ANK3: variants seen among roughly 807,000 people sequenced by gnomAD.
ANK3 encodes ankyrin 3, also known as ankyrin-3.
Under a neutral mutation model 370.9 loss-of-function variants are expected in ANK3, and 57 were observed. The ratio of observed to expected loss-of-function variants is 0.15; its 90% CI spans 0.12 to 0.19. The LOEUF is 0.19. ANK3 is among the 10% of genes least tolerant of loss of function. The probability of loss-of-function intolerance (pLI) is 1.00; values close to 1 mark genes in which losing one functional copy is unlikely to be tolerated. For synonymous variants in ANK3, 1,929 were observed against 1,946.3 expected (o/e 0.99, Z 0.23); for missense variants, 4,439 against 5,302.1 (o/e 0.84, Z 5.06).
chr10:60,239,387 G>A (rs1223946216), intron 7 of ANK3, among the ~76,000 whole-genome samples: 51 of 152,032 alleles, frequency 3.4e-4, no homozygotes, highest in Admixed American at 3.3e-3. Flanking sequence ...CTCGATGGTA[G>A]CCCAAGGAAA....
intron 1 of ANK3, among the ~76,000 whole-genome samples, chr10:60,381,725 A>G (rs1170245598): frequency 3.9e-5 from 6 of 152,198 alleles, no homozygotes. Context: ...GGAACCTGGC[A>G]AATGCATTTA....
intron 17 of ANK3, among the ~76,000 whole-genome samples, chr10:60,182,442 T>TA (rs1311412346): frequency 3.3e-5 from 5 of 152,236 alleles, no homozygotes; most frequent in Admixed American, 3.3e-4. Flanking sequence ...ACTCCGGTTT[T>TA]AAAAAACCTC....
chr10:60,098,805 G>A (rs1405204608), intron 28 of ANK3, among the ~76,000 whole-genome samples: 1 of 152,044 alleles, frequency 6.6e-6, no homozygotes, highest in Non-Finnish European at 1.5e-5. Context: ...ATATATTTGG[G>A]TCAGCATTAT....
intron 1 of ANK3, among the ~76,000 whole-genome samples, chr10:60,703,228 G>T (rs1394395721): frequency 1.3e-5 from 2 of 152,166 alleles, no homozygotes; most frequent in Admixed American, 1.3e-4. Flanking sequence ...AAATATTGAA[G>T]AAATTATTAT....
chr10:60,424,344 A>G (rs1277031029), intron 2 of ANK3, among the ~76,000 whole-genome samples: 2 of 152,080 alleles, frequency 1.3e-5, no homozygotes, highest in African/African-American at 4.8e-5. Flanking sequence ...TAGAAAACTA[A>G]TTTTAGGGAA....
chr10:60,184,022 G>A (rs1014061653), intron 17 of ANK3, among the ~76,000 whole-genome samples: 4 of 151,998 alleles, frequency 2.6e-5, no homozygotes, highest in African/African-American at 7.3e-5. Flanking sequence ...GAATCAAATC[G>A]AACACTAGCA....
chr10:60,539,891 G>C (rs2076808440), intron 2 of ANK3, among the ~76,000 whole-genome samples: 1 of 151,880 alleles, frequency 6.6e-6, no homozygotes, highest in Non-Finnish European at 1.5e-5. Context: ...ATACCACGAA[G>C]CTAATATTCT....
At chr10:60,433,842 T>C (rs2064092888) in intron 2 of ANK3, among the ~76,000 whole-genome samples, 1 of 152,330 alleles carries the variant, frequency 6.6e-6, no homozygotes, top group African/African-American at 2.4e-5. Flanking sequence ...CAAATGCAGC[T>C]CGAATGAGTA....
At chr10:60,241,707 C>T (rs1483840566) in intron 7 of ANK3, among the ~76,000 whole-genome samples, 1 of 152,146 alleles carries the variant, frequency 6.6e-6, no homozygotes, top group East Asian at 1.9e-4. Flanking sequence ...TATTTATTCA[C>T]TCTAAAAAAC....
At position 60,380,321 on chromosome 10, in the gene ANK3, C is replaced by T. The variant is rs142220744; in HGVS notation, c.114+9104G>A. On this transcript the variant is annotated intron_variant, in intron 1 of 43. Transcript: ENST00000280772. ...AACCCTTGCATGGCATTTCATGGTC[C>T]AGGAAAGACTCATCTCGTGGAGCTC... is the stretch of plus-strand genomic sequence containing the variant. Among the ~76,000 whole-genome samples, 27 of 152,142 alleles carry T rather than the reference C, an allele frequency of 1.8e-4. No homozygotes were observed. The South Asian group carries it at 3.5e-3, about 20-fold the overall frequency.
At chr10:60,617,577 G>A (rs908778688) in intron 1 of ANK3, among the ~76,000 whole-genome samples, 1 of 152,116 alleles carries the variant, frequency 6.6e-6, no homozygotes, top group African/African-American at 2.4e-5. Context: ...AATCCCTTCA[G>A]TGCCTAGCAC....
chr10:60,198,658 C>A, intron 13 of ANK3, 121 bp from the exon 14 acceptor site: 1 of 812,700 alleles, frequency 1.2e-6, no homozygotes, highest in South Asian at 1.6e-5. Context: ...TGAGTCAATG[C>A]TAAAAAAACT....
At chr10:60,185,298 G>T (rs1277576256) in intron 17 of ANK3, among the ~76,000 whole-genome samples, 1 of 152,068 alleles carries the variant, frequency 6.6e-6, no homozygotes, top group Admixed American at 6.5e-5. Context: ...GATTGTTATG[G>T]AGTAACCTTT....
intron 2 of ANK3, among the ~76,000 whole-genome samples, chr10:60,556,662 TATGTA>T (rs1227485641): frequency 6.6e-6 from 1 of 152,168 alleles, no homozygotes; most frequent in Non-Finnish European, 1.5e-5. Context: ...AAAAGAGTAA[TATGTA>T]ATGTGACTAG....
At chr10:60,287,948 T>C (rs1424645607) in intron 1 of ANK3, among the ~76,000 whole-genome samples, 1 of 152,192 alleles carries the variant, frequency 6.6e-6, no homozygotes, top group African/African-American at 2.4e-5. Flanking sequence ...CGTTGTTGCT[T>C]TTAAACCATA....
At chr10:60,531,780 A>G (rs1429675629) in intron 2 of ANK3, among the ~76,000 whole-genome samples, 2 of 152,136 alleles carry the variant, frequency 1.3e-5, no homozygotes, top group African/African-American at 4.8e-5. Flanking sequence ...TTTCTGTGTC[A>G]GAGTGCTGAG....
intron 2 of ANK3, among the ~76,000 whole-genome samples, chr10:60,457,968 G>A (rs777546187): frequency 6.6e-6 from 1 of 152,066 alleles, no homozygotes; most frequent in Admixed American, 6.6e-5. Context: ...TCTTGGGTTA[G>A]TTAACCTGTC....
At chr10:60,644,844 A>AAAAAAAAAG (rs1362483678) in intron 1 of ANK3, among the ~76,000 whole-genome samples, 1 of 148,956 alleles carries the variant, frequency 6.7e-6, no homozygotes, top group East Asian at 2.0e-4. Context: ...TAGTTAAAAG[A>AAAAAAAAAG]AAAAAAAAGC....
chr10:60,114,601 C>T (rs1409528124), intron 25 of ANK3, among the ~76,000 whole-genome samples: 4 of 152,190 alleles, frequency 2.6e-5, no homozygotes, highest in Non-Finnish European at 5.9e-5. Flanking sequence ...CTAACTCCAA[C>T]TATGATTTTA....
Sources: gnomAD v4.1 joint callset for allele counts (sites outside exome capture counted in the v4.1 genomes callset) on GRCh38, gnomAD v4.1.1 for gene constraint, MANE v1.5 for transcripts, NCBI Gene and HGNC (gene_info 2026-07-23, HGNC 2026-07-21) for gene names.